Variants in SEMA3B observed in about 807,000 individuals in gnomAD.
The protein encoded by SEMA3B is semaphorin-3B.
Under a neutral mutation model 77.8 loss-of-function variants are expected in SEMA3B, and 71 were observed. The observed-to-expected ratio is 0.91, with a 90% CI of 0.75 to 1.11. The LOEUF is 1.11. SEMA3B is among the 50% of genes most tolerant of loss of function. The pLI is 0.00. For missense variants in SEMA3B, 968 were observed against 1,056.8 expected, an observed-to-expected ratio of 0.92 and a Z score of 1.17; for synonymous variants, 470 against 452.9, an observed-to-expected ratio of 1.04 and a Z score of -0.48.
Position 50,271,554 on chromosome 3 carries a change from A to C in SEMA3B, c.664+74A>C, listed in dbSNP as rs1345034033. The C allele has an allele frequency of 2.6e-6, 4 of 1,542,428 alleles. No individual in the cohort carries two copies. In the East Asian group the frequency reaches 9.8e-5, roughly 38 times the overall value. On this transcript the variant is annotated intron_variant, in intron 6 of 16. Coordinates refer to ENST00000616701, the MANE Select transcript of SEMA3B (RefSeq NM_001290060.2). ...GGCAGGTGCCAAGCAAGGCCCATAA[A>C]GTAAGTGAGCAGTGGGTGTGGCCAG...
rs184886006 is a variant in SEMA3B, at chr3:50,273,338, G to T, written c.705G>T (p.Glu235Asp). The change falls in exon 7 of 17, where the codon GAG becomes GAT. Residue 235 changes from glutamate (E) to aspartate (D), a missense_variant. Physicochemically the swap from Glu to Asp is conservative, Grantham distance 45. Transcript: ENST00000616701. This position sits in a 1 kb window ranked among gnomAD's most constrained non-coding sequence, Gnocchi z 6.5. ...FVKVFWIPES[E>D]NPDDDKIYFF... is the part of the protein sequence containing the mutation. ...AGGTATTTTGGATCCCGGAGAGCGA[G>T]AACCCAGACGACGACAAAATCTACT... The T allele has an allele frequency of 5.3e-4, 848 of 1,614,022 alleles. 1 individual carries two copies. Among genetic ancestry groups the T allele is most frequent in the Non-Finnish European group, 6.2e-4 (731 of 1,179,876 alleles).
chr3:50,270,531 G>T lies in SEMA3B; in HGVS notation c.330+36G>T. ...GCTGCCCGGGCCGGGAGTGGGGAGG[G>T]TCAGCCCCTCACCCCAGAGACAGGG... On this transcript the variant is annotated intron_variant, in intron 3 of 16. Transcript: ENST00000616701. The surrounding 1 kb of genome is among the most constrained non-coding windows in gnomAD (Gnocchi z 4.7). 6.2e-7 allele frequency: 1 copy of T among 1,612,772 alleles called. No homozygotes were observed. The highest frequency in any genetic ancestry group is 8.5e-7 in the Non-Finnish European group (1 of 1,179,652).
chr3:50,273,003 T>C lies in SEMA3B; in HGVS notation c.665-295T>C. On this transcript the variant is annotated intron_variant, in intron 6 of 16. Coordinates refer to ENST00000616701, the MANE Select transcript of SEMA3B (RefSeq NM_001290060.2). The surrounding 1 kb of genome is among the most constrained non-coding windows in gnomAD (Gnocchi z 6.5). ...ACCTCATCTCCCTCCTACCCCAGCCTAAGGTGCTGGGCGACGTGTGGGGCG... is the reference window on the plus strand; with the variant it reads ...ACCTCATCTCCCTCCTACCCCAGCCCAAGGTGCTGGGCGACGTGTGGGGCG... The C allele has an allele frequency of 2.5e-6, 1 of 393,574 alleles. No homozygotes were observed. The allele number at this position is 393,574 out of a possible 1,614,324, so 24.4% of individuals were successfully genotyped here.
At chr3:50,267,897 C>T (rs1276287265), upstream of SEMA3B, 2 of 152,416 alleles carry the variant, frequency 1.3e-5, no homozygotes, top group Non-Finnish European at 2.9e-5. This position sits in a 1 kb window ranked among gnomAD's most constrained non-coding sequence, Gnocchi z 5.7. Context: ...CTTAATCCCA[C>T]CTGGAACCTT....
chr3:50,264,973 T>C (rs924507258), upstream of SEMA3B, among the ~76,000 whole-genome samples: 2 of 152,090 alleles, frequency 1.3e-5, no homozygotes, highest in Non-Finnish European at 2.9e-5. Flanking sequence ...CCCAGGGTTC[T>C]TGGTAGCCCC....
At position 50,270,051 on chromosome 3, in the gene SEMA3B, A is replaced by T. The variant is rs1334568101; in HGVS notation, c.110-76A>T. ...GGTCCTAATGGCAACCTTGGCCGAT[A>T]GAGTCACCACCAGGCAGGACCTGGG... On this transcript the variant is annotated intron_variant, in intron 1 of 16. Transcript: ENST00000616701. This position sits in a 1 kb window ranked among gnomAD's most constrained non-coding sequence, Gnocchi z 4.7. 4.2e-6 allele frequency: 6 copies of T among 1,430,886 alleles called. No individual in the cohort carries two copies. Among genetic ancestry groups the T allele is most frequent in the Non-Finnish European group, 5.5e-6 (6 of 1,084,776 alleles). The allele number at this position is 1,430,886 out of a possible 1,614,324, so 88.6% of individuals were successfully genotyped here.
Position 50,269,818 on chromosome 3 carries a change from C to A in SEMA3B, c.110-309C>A, listed in dbSNP as rs1553705046. On this transcript the variant is annotated intron_variant, in intron 1 of 16. Coordinates refer to ENST00000616701, the MANE Select transcript of SEMA3B (RefSeq NM_001290060.2). The surrounding 1 kb of genome is among the most constrained non-coding windows in gnomAD (Gnocchi z 4.0). ...GTTCTGGCCATCCCTGCATGCCAGT[C>A]TCCCCCAGGACTCTGGTGTCCATAA... Among the ~76,000 whole-genome samples the A allele has an allele frequency of 2.0e-5, 3 of 152,146 alleles. No homozygotes were observed. Among genetic ancestry groups the A allele is most frequent in the Non-Finnish European group, 4.4e-5 (3 of 68,010 alleles).
intron 6 of SEMA3B, among the ~76,000 whole-genome samples, chr3:50,272,468 TG>T (rs1405406976): frequency 6.6e-6 from 1 of 151,940 alleles, no homozygotes; most frequent in Non-Finnish European, 1.5e-5. Flanking sequence ...CCCAGCACTT[TG>T]GGAGGCTGAG....
rs187731952 is a variant in SEMA3B, at chr3:50,273,893, G to A, written c.993-20G>A. 3 of 1,588,652 alleles carry A rather than the reference G, an allele frequency of 1.9e-6. No homozygotes were observed. Among genetic ancestry groups the A allele is most frequent in the Admixed American group, 3.5e-5 (2 of 56,556 alleles). ...TGGGCTCCACCCGGCCCCTCACCTC[G>A]CCCTGGTCTTCGCCTCCAGCAGCAT... On this transcript the variant is annotated intron_variant, in intron 9 of 16. Coordinates refer to ENST00000616701, the MANE Select transcript of SEMA3B (RefSeq NM_001290060.2). This position sits in a 1 kb window ranked among gnomAD's most constrained non-coding sequence, Gnocchi z 6.5.
Position 50,270,166 on chromosome 3 carries a change from A to C in SEMA3B, c.149A>C (p.Glu50Ala). 1.3e-6 allele frequency: 2 copies of C among 1,577,396 alleles called. No homozygotes were observed. Among genetic ancestry groups the C allele is most frequent in the Non-Finnish European group, 8.6e-7 (1 of 1,163,356 alleles). ...CATGGTCTCCAGACTTTCAGCCTGG[A>C]GCGAACCTGCTGCTACCAGGCCTTG... ...AWHGLQTFSL[E>A]RTCCYQALLV... The change falls in exon 2 of 17, where the codon GAG becomes GCG. Residue 50 changes from glutamate (E) to alanine (A), a missense_variant. Glu to Ala is a moderately radical substitution (Grantham distance 107, BLOSUM62 -1). Transcript: ENST00000616701. This position sits in a 1 kb window ranked among gnomAD's most constrained non-coding sequence, Gnocchi z 4.7.
At position 50,276,083 on chromosome 3, in the gene SEMA3B, C is replaced by T. The variant is rs1317377771; in HGVS notation, c.1846-219C>T. On this transcript the variant is annotated intron_variant, in intron 16 of 16. Transcript: ENST00000616701. The surrounding 1 kb of genome is among the most constrained non-coding windows in gnomAD (Gnocchi z 5.8). ...TCGACCCTCCCATTAAGGTCCCTGACCACCCCCCACCAAGTTCATGTAAAC... is the reference window on the plus strand; with the variant it reads ...TCGACCCTCCCATTAAGGTCCCTGATCACCCCCCACCAAGTTCATGTAAAC... 6.5e-6 allele frequency: 5 copies of T among 773,428 alleles called. No homozygotes were observed. The South Asian group carries it at 7.6e-5, about 12-fold the overall frequency. The allele number at this position is 773,428 out of a possible 1,614,324, so 47.9% of individuals were successfully genotyped here.
In SEMA3B at chr3:50,273,087, C is replaced by T. The variant is rs975076329; in HGVS notation, c.665-211C>T. 4 of 696,060 alleles carry T rather than the reference C, an allele frequency of 5.7e-6. No homozygotes were observed. The highest frequency in any genetic ancestry group is 6.1e-5 in the East Asian group (2 of 32,702). 43.1% of individuals were successfully genotyped at this position (696,060 alleles called of 1,614,324 possible). A position where few individuals can be genotyped will look rare whatever the true frequency, so the allele number is the denominator to read the frequency against. On this transcript the variant is annotated intron_variant, in intron 6 of 16. Transcript: ENST00000616701. This position sits in a 1 kb window ranked among gnomAD's most constrained non-coding sequence, Gnocchi z 6.5. ...CCCCAGGTAGCCACGGTCTCTGCTG[C>T]CCCCTCGCGGCTGCTTCTTGCCTCG... is the stretch of plus-strand genomic sequence containing the variant.
rs782687500 is a variant in SEMA3B, at chr3:50,270,274, G to A, written c.257G>A (p.Arg86Gln). Residue 86 changes from arginine (R) to glutamine (Q), a missense_variant, in exon 2 of 17, where the codon CGG becomes CAG. By Grantham distance (43) the Arg-to-Gln change is conservative. Coordinates refer to ENST00000616701, the MANE Select transcript of SEMA3B (RefSeq NM_001290060.2). The surrounding 1 kb of genome is among the most constrained non-coding windows in gnomAD (Gnocchi z 4.7). ...CTCAACCTGGACAACATCAGCAAGC[G>A]GGCCAAGAAGGTGCCAGGGACTCCC... ...ASLNLDNISK[R>Q]AKKLAWPAPV... is the part of the protein sequence containing the mutation. 2.4e-5 allele frequency: 38 copies of A among 1,613,200 alleles called. No individual in the cohort carries two copies. The highest frequency in any genetic ancestry group is 1.6e-4 in the East Asian group (7 of 44,868).
At chr3:50,261,548 C>T in the SEMA3B span, 1 of 152,610 alleles carries the variant, frequency 6.6e-6, no homozygotes, top group African/African-American at 2.4e-5. Flanking sequence ...GGCAGGCTGC[C>T]TCGGTAGTTC....
chr3:50,269,113 C>G (rs1347081577), upstream of SEMA3B: 2 of 671,354 alleles, frequency 3.0e-6, no homozygotes, highest in East Asian at 2.8e-5. This position sits in a 1 kb window ranked among gnomAD's most constrained non-coding sequence, Gnocchi z 4.0. Context: ...CCTGGGGACT[C>G]CCCCCCTAGC....
chr3:50,274,771 T>G lies in SEMA3B; in HGVS notation c.1358-72T>G. 1 of 1,541,898 alleles carries G rather than the reference T, an allele frequency of 6.5e-7. No individual in the cohort carries two copies. The highest frequency in any genetic ancestry group is 8.9e-7 in the Non-Finnish European group (1 of 1,129,482). On this transcript the variant is annotated intron_variant, in intron 11 of 16. Transcript: ENST00000616701. The surrounding 1 kb of genome is among the most constrained non-coding windows in gnomAD (Gnocchi z 4.7). Reference sequence around the variant, plus strand: ...CCCAAACATGCTGAGGGTAGACGCCTCAAAGGCGAGGAGACACTAGCCCCA... The same window carrying G: ...CCCAAACATGCTGAGGGTAGACGCCGCAAAGGCGAGGAGACACTAGCCCCA...
Position 50,275,167 on chromosome 3 carries a change from G to C in SEMA3B, c.1491+114G>C. 4 of 1,465,852 alleles carry C rather than the reference G, an allele frequency of 2.7e-6. No homozygotes were observed. Among genetic ancestry groups the C allele is most frequent in the Non-Finnish European group, 2.7e-6 (3 of 1,102,728 alleles). The allele number at this position is 1,465,852 out of a possible 1,614,324, so 90.8% of individuals were successfully genotyped here. On this transcript the variant is annotated intron_variant, in intron 13 of 16. Transcript: ENST00000616701. This position sits in a 1 kb window ranked among gnomAD's most constrained non-coding sequence, Gnocchi z 7.5. The stretch of plus-strand genomic sequence containing the variant: ...GTCCCGGGTTTGAGTACAGGCTCTG[G>C]CTTTGTTAGACTGTGTGACCTGAGG...
chr3:50,273,009 G>A lies in SEMA3B; in HGVS notation c.665-289G>A. ...TCTCCCTCCTACCCCAGCCTAAGGT[G>A]CTGGGCGACGTGTGGGGCGAGATCG... On this transcript the variant is annotated intron_variant, in intron 6 of 16. Transcript: ENST00000616701. This position sits in a 1 kb window ranked among gnomAD's most constrained non-coding sequence, Gnocchi z 6.5. The A allele has an allele frequency of 2.3e-6, 1 of 430,450 alleles. No homozygotes were observed. Among genetic ancestry groups the A allele is most frequent in the Admixed American group, 4.2e-5 (1 of 24,032 alleles). The allele number at this position is 430,450 out of a possible 1,614,324, so 26.7% of individuals were successfully genotyped here.
chr3:50,270,548 G>C lies in SEMA3B; in HGVS notation c.330+53G>C. 1 of 1,610,438 alleles carries C rather than the reference G, an allele frequency of 6.2e-7. No individual in the cohort carries two copies. The highest frequency in any genetic ancestry group is 1.1e-5 in the South Asian group (1 of 91,010). On this transcript the variant is annotated intron_variant, in intron 3 of 16. Coordinates refer to ENST00000616701, the MANE Select transcript of SEMA3B (RefSeq NM_001290060.2). This position sits in a 1 kb window ranked among gnomAD's most constrained non-coding sequence, Gnocchi z 4.7. ...TGGGGAGGGTCAGCCCCTCACCCCA[G>C]AGACAGGGCAGGGCTAAAACAGAGG...
Sources: gnomAD v4.1 joint callset for allele counts (sites outside exome capture counted in the v4.1 genomes callset) on GRCh38, gnomAD v4.1.1 for gene constraint, Gnocchi (gnomAD v3.1) non-coding constraint, MANE v1.5 for transcripts, NCBI Gene and HGNC (gene_info 2026-07-23, HGNC 2026-07-21) for gene names.